The following CLMN variants were observed in gnomAD, a reference collection of about 807,000 sequenced individuals.
CLMN encodes calmin (calponin-like, transmembrane).
Under a neutral mutation model 92.7 loss-of-function variants are expected in CLMN, and 57 were observed. The observed-to-expected ratio is 0.61, with a 90% CI of 0.50 to 0.77. The LOEUF (loss-of-function observed/expected upper bound fraction) is 0.77. Among genes scored for constraint, CLMN ranks in the 30% least tolerant of loss-of-function variants. The probability of loss-of-function intolerance (pLI) is 0.00; values close to 1 mark genes in which losing one functional copy is unlikely to be tolerated. For synonymous variants in CLMN, 466 were observed against 470.6 expected, an observed-to-expected ratio of 0.99 and a Z score of 0.13; for missense variants, 1,158 against 1,237.5, an observed-to-expected ratio of 0.94 and a Z score of 0.96.
intron 8 of CLMN, among the ~76,000 whole-genome samples, chr14:95,204,830 G>A (rs1391001890): frequency 6.6e-6 from 1 of 152,182 alleles, no homozygotes; most frequent in African/African-American, 2.4e-5. Context: ...GGACCATGTT[G>A]CCTAGTCTGG....
At chr14:95,263,208 A>G (rs1195154286) in intron 1 of CLMN, among the ~76,000 whole-genome samples, 1 of 152,222 alleles carries the variant, frequency 6.6e-6, no homozygotes, top group African/African-American at 2.4e-5. Flanking sequence ...GTGAAGGAGA[A>G]GCAAATACGT....
At chr14:95,299,323 G>A (rs560042485) in intron 1 of CLMN, among the ~76,000 whole-genome samples, 1 of 152,322 alleles carries the variant, frequency 6.6e-6, no homozygotes, top group East Asian at 1.9e-4. Context: ...TCAGTGCCCA[G>A]GCCCCACTGG....
intron 1 of CLMN, among the ~76,000 whole-genome samples, chr14:95,298,627 C>G (rs11621333): frequency 6.6e-6 from 1 of 152,108 alleles, no homozygotes; most frequent in East Asian, 1.9e-4. Context: ...TGGGTCAGAA[C>G]GTTGGCCCAA....
intron 1 of CLMN, among the ~76,000 whole-genome samples, chr14:95,245,213 T>TATATATA (rs1898456567): frequency 6.3e-5 from 2 of 31,762 alleles, no homozygotes; most frequent in African/African-American, 3.7e-4. Flanking sequence ...ATATATTATA[T>TATATATA]ATATATATAT....
intron 1 of CLMN, among the ~76,000 whole-genome samples, chr14:95,295,973 G>C (rs1253808141): frequency 6.6e-6 from 1 of 152,224 alleles, no homozygotes; most frequent in Non-Finnish European, 1.5e-5. Context: ...TATCTTATAG[G>C]TTGGGAGGTC....
At chr14:95,233,272 G>A (rs115149295) in intron 1 of CLMN, among the ~76,000 whole-genome samples, 271 of 152,192 alleles carry the variant, frequency 1.8e-3, no homozygotes, top group African/African-American at 6.3e-3. Flanking sequence ...TAAATGAGGA[G>A]GTGGGTATCT....
rs1187814594 is a variant in CLMN at position 95,259,737 on chromosome 14, C to A, written c.83-29604G>T. 6.6e-6 allele frequency among the ~76,000 whole-genome samples: 1 copy of A among 152,160 alleles called. No individual in the cohort carries two copies. The highest frequency in any genetic ancestry group is 1.5e-5 in the Non-Finnish European group (1 of 68,010). Reference sequence around the variant, plus strand: ...AGTTCACTGAGCACAAAAGTAATGACATGCAAACTCAAAACCATGGCATGC... The same window carrying A: ...AGTTCACTGAGCACAAAAGTAATGAAATGCAAACTCAAAACCATGGCATGC... On this transcript the variant is annotated intron_variant, in intron 1 of 12. Coordinates refer to ENST00000298912, the MANE Select transcript of CLMN (RefSeq NM_024734.4). The surrounding 1 kb of genome is among the most constrained non-coding windows in gnomAD (Gnocchi z 4.3).
In CLMN at chr14:95,194,720, G is replaced by T; in HGVS notation, c.2709-124C>A. The T allele has an allele frequency of 7.4e-6, 6 of 807,432 alleles. No homozygotes were observed. Among genetic ancestry groups the T allele is most frequent in the Non-Finnish European group, 1.3e-5 (6 of 475,226 alleles). The allele number at this position is 807,432 out of a possible 1,614,324, so 50.0% of individuals were successfully genotyped here. A position where few individuals can be genotyped will look rare whatever the true frequency, so the allele number is the denominator to read the frequency against. ...AGGCAAGCGACAACTTCACAGCCAG[G>T]GACAGAAATGACAGATTTTATATCT... On this transcript the variant is annotated intron_variant, in intron 10 of 12. Coordinates refer to ENST00000298912, the MANE Select transcript of CLMN (RefSeq NM_024734.4). This position sits in a 1 kb window ranked among gnomAD's most constrained non-coding sequence, Gnocchi z 4.0.
intron 1 of CLMN, among the ~76,000 whole-genome samples, chr14:95,305,962 A>G (rs535855803): frequency 6.6e-6 from 1 of 152,220 alleles, no homozygotes; most frequent in Admixed American, 6.5e-5. Context: ...CAAGAATTAG[A>G]GTATAAGTTC....
chr14:95,202,456 A>G (rs1244329658), intron 9 of CLMN, among the ~76,000 whole-genome samples: 2 of 152,202 alleles, frequency 1.3e-5, no homozygotes, highest in Non-Finnish European at 2.9e-5. Flanking sequence ...CTGCCCAGGT[A>G]CTGAGAATAG....
chr14:95,290,199 C>A (rs1341847480), intron 1 of CLMN, among the ~76,000 whole-genome samples: 2 of 152,202 alleles, frequency 1.3e-5, no homozygotes, highest in African/African-American at 4.8e-5. Context: ...AGTGCTAAAC[C>A]CTTACCATGA....
Position 95,194,715 on chromosome 14 carries a change from G to T in CLMN, c.2709-119C>A. The stretch of plus-strand genomic sequence containing the variant: ...GGTTTAGGCAAGCGACAACTTCACA[G>T]CCAGGGACAGAAATGACAGATTTTA... On this transcript the variant is annotated intron_variant, in intron 10 of 12. Transcript: ENST00000298912. The surrounding 1 kb of genome is among the most constrained non-coding windows in gnomAD (Gnocchi z 4.0). 2 of 847,978 alleles carry T rather than the reference G, an allele frequency of 2.4e-6. No homozygotes were observed. Among genetic ancestry groups the T allele is most frequent in the Non-Finnish European group, 4.0e-6 (2 of 504,780 alleles). 52.5% of individuals were successfully genotyped at this position (847,978 alleles called of 1,614,324 possible).
chr14:95,308,800 C>A (rs559026986), intron 1 of CLMN, among the ~76,000 whole-genome samples: 128 of 152,326 alleles, frequency 8.4e-4, no homozygotes, highest in Middle Eastern at 6.8e-3. Context: ...CAGGTTGCAA[C>A]TCCCCCAGTG....
At chr14:95,265,816 A>G (rs1324237177) in intron 1 of CLMN, among the ~76,000 whole-genome samples, 1 of 152,244 alleles carries the variant, frequency 6.6e-6, no homozygotes. Context: ...TCCAGCCTTG[A>G]GGAAGAAGAA....
Position 95,204,231 on chromosome 14 carries a change from G to A in CLMN, c.1118C>T (p.Ser373Leu), listed in dbSNP as rs1180392069. ...RLDGVSSHALSDSSTEFMHQI... is the reference protein window; with the variant it reads ...RLDGVSSHALLDSSTEFMHQI... ...GTGCATGAACTCGGTGGAGCTGTCTGACAGCGCATGGCTGGAAACACCATC... is the reference window on the plus strand; with the variant it reads ...GTGCATGAACTCGGTGGAGCTGTCTAACAGCGCATGGCTGGAAACACCATC... Residue 373 changes from serine to leucine, a missense_variant, in exon 9 of 13, where the codon TCA becomes TTA. By Grantham distance (145) the Ser-to-Leu change is moderately radical. Coordinates refer to ENST00000298912, the MANE Select transcript of CLMN (RefSeq NM_024734.4). 3 of 1,613,922 alleles carry A rather than the reference G, an allele frequency of 1.9e-6. No homozygotes were observed. Among genetic ancestry groups the A allele is most frequent in the Non-Finnish European group, 2.5e-6 (3 of 1,180,012 alleles).
At chr14:95,195,962 C>T (rs1158772879) in intron 10 of CLMN, among the ~76,000 whole-genome samples, 7 of 152,156 alleles carry the variant, frequency 4.6e-5, no homozygotes, top group Admixed American at 2.6e-4. Context: ...CTCCCTGCTC[C>T]CTCCTTCTCC....
chr14:95,296,385 CA>C, intron 1 of CLMN: 1 of 152,362 alleles, frequency 6.6e-6, no homozygotes, highest in East Asian at 1.9e-4. Flanking sequence ...AAAAACACAA[CA>C]AAACTGGAAG....
intron 1 of CLMN, among the ~76,000 whole-genome samples, chr14:95,308,155 C>T (rs769146790): frequency 5.3e-5 from 8 of 152,184 alleles, no homozygotes; most frequent in Non-Finnish European, 1.0e-4. Flanking sequence ...AGATCCACCC[C>T]GGGGAATCAC....
In CLMN at chr14:95,191,569, G is replaced by A. The variant is rs960718905; in HGVS notation, c.3004C>T (p.Leu1002Phe). 2.5e-6 allele frequency: 4 copies of A among 1,611,788 alleles called. No individual in the cohort carries two copies. Among genetic ancestry groups the A allele is most frequent in the Non-Finnish European group, 3.4e-6 (4 of 1,179,138 alleles). The change falls in exon 13 of 13, where the codon CTC (leucine) becomes TTC (phenylalanine). Residue 1002 changes from leucine to phenylalanine, a missense_variant. Coordinates refer to ENST00000298912, the MANE Select transcript of CLMN (RefSeq NM_024734.4). The surrounding 1 kb of genome is among the most constrained non-coding windows in gnomAD (Gnocchi z 5.3). ...LLFPQLDVSRL is the reference protein window; with the variant it reads ...LLFPQLDVSRF ...TTATTATCCAGACACACGTATCAGAGCCTGCTAACATCCAGTTGTGGGAAG... is the reference window on the plus strand; with the variant it reads ...TTATTATCCAGACACACGTATCAGAACCTGCTAACATCCAGTTGTGGGAAG...
Sources: allele counts gnomAD v4.1 joint callset (sites outside exome capture counted in the v4.1 genomes callset), GRCh38; gene constraint gnomAD v4.1.1; non-coding constraint Gnocchi (gnomAD v3.1); transcripts MANE v1.5; gene names NCBI Gene and HGNC (gene_info 2026-07-23, HGNC 2026-07-21).